Variants in CCDC88C observed in about 807,000 individuals in gnomAD.
CCDC88C encodes protein Daple.
In CCDC88C, 131 loss-of-function variants were observed where a neutral mutation model predicts 198.8. The observed-to-expected ratio is 0.66, with a 90% CI of 0.57 to 0.76. CCDC88C has a LOEUF of 0.76. Among genes scored for constraint, CCDC88C ranks in the 30% least tolerant of loss-of-function variants. CCDC88C has a pLI of 0.00. For missense variants in CCDC88C, 2,553 were observed against 2,631.6 expected (o/e 0.97, Z 0.65); for synonymous variants, 1,166 against 1,114.7 (o/e 1.05, Z -0.92).
At chr14:91,356,885 G>C (rs1170396440) in intron 4 of CCDC88C, among the ~76,000 whole-genome samples, 1 of 152,178 alleles carries the variant, frequency 6.6e-6, no homozygotes, top group African/African-American at 2.4e-5. Context: ...GATGAGAAGA[G>C]GGGGAGCACC....
intron 3 of CCDC88C, among the ~76,000 whole-genome samples, chr14:91,404,589 T>C (rs1886381180): frequency 6.6e-6 from 1 of 152,144 alleles, no homozygotes; most frequent in Admixed American, 6.5e-5. Context: ...GGACCATCCT[T>C]TGAAGAACCA....
chr14:91,272,746 G>T lies in CCDC88C; in HGVS notation c.5966C>A (p.Ala1989Asp). ...AKSPGRSPDL[A>D]PHLGRALEDC... ...CTCCAGGGCCCGGCCGAGGTGGGGA[G>T]CCAAATCGGGAGACCGACCTGGGCT... Residue 1989 changes from alanine (A) to aspartate (D), a missense_variant, in exon 30 of 30, where the codon GCT becomes GAT. Ala to Asp is a moderately radical substitution (Grantham distance 126, BLOSUM62 -2). Transcript: ENST00000389857. The T allele has an allele frequency of 6.2e-7, 1 of 1,608,958 alleles. No individual in the cohort carries two copies.
intron 4 of CCDC88C, among the ~76,000 whole-genome samples, chr14:91,345,531 T>C (rs995591720): frequency 6.6e-6 from 1 of 152,122 alleles, no homozygotes; most frequent in Non-Finnish European, 1.5e-5. Flanking sequence ...AAGAATATCA[T>C]GGTAGCTAAT....
chr14:91,384,352 T>C (rs1018710319), intron 3 of CCDC88C: 1 of 394,394 alleles, frequency 2.5e-6, no homozygotes, highest in Non-Finnish European at 5.0e-6. Flanking sequence ...ACAAATAACT[T>C]GAAAATAGGC....
chr14:91,304,040 G>A, intron 19 of CCDC88C, 62 bp from the exon 20 acceptor site: 3 of 1,558,528 alleles, frequency 1.9e-6, no homozygotes, highest in South Asian at 2.3e-5. Context: ...GGGCTGGGGA[G>A]CAGGTCAAGT....
chr14:91,272,357 G>A lies in CCDC88C; in HGVS notation c.*268C>T, dbSNP rs1447114312. On this transcript the variant is annotated 3_prime_UTR_variant, in exon 30 of 30. Coordinates refer to ENST00000389857, the MANE Select transcript of CCDC88C (RefSeq NM_001080414.4). Reference sequence around the variant, plus strand: ...GTCAGTTTGTCATTGCATCCTAATTGGTCCCCATGCTGACGTGGATTATTT... The same window carrying A: ...GTCAGTTTGTCATTGCATCCTAATTAGTCCCCATGCTGACGTGGATTATTT... The A allele has an allele frequency of 4.1e-6, 2 of 488,018 alleles. No individual in the cohort carries two copies. The highest frequency in any genetic ancestry group is 7.3e-6 in the Non-Finnish European group (2 of 274,472). The allele number at this position is 488,018 out of a possible 1,614,324, so 30.2% of individuals were successfully genotyped here. A position where few individuals can be genotyped will look rare whatever the true frequency, so the allele number is the denominator to read the frequency against.
At chr14:91,276,642 AC>A (rs1271154574) in intron 29 of CCDC88C, among the ~76,000 whole-genome samples, 3 of 152,220 alleles carry the variant, frequency 2.0e-5, no homozygotes, top group African/African-American at 4.8e-5. Context: ...CACAGGGTTT[AC>A]CAGAGAGCCA....
chr14:91,417,560 G>A, intron 1 of CCDC88C, 71 bp downstream of exon 1: 1 of 1,435,834 alleles, frequency 7.0e-7, no homozygotes, highest in Non-Finnish European at 9.5e-7. Context: ...TGTCGGGTCT[G>A]CGGCGTCCCG....
rs572336256 is a variant in CCDC88C at position 91,290,270 on chromosome 14, TCAAAA to T, written c.4202+720_4202+724del. Among the ~76,000 whole-genome samples the T allele has an allele frequency of 2.6e-4, 40 of 152,262 alleles. No homozygotes were observed. The East Asian group carries it at 2.9e-3, about 11-fold the overall frequency. ...CTGGATGTCACAGCGAGACTCCGTC[TCAAAA>T]CAAAACAAAACAAAACAAAACAATA... On this transcript the variant is annotated intron_variant, in intron 24 of 29. Transcript: ENST00000389857.
At chr14:91,321,804 T>C (rs11160000) in intron 12 of CCDC88C, among the ~76,000 whole-genome samples, 19,862 of 152,230 alleles carry the variant, frequency 0.13, 2,281 homozygotes, top group African/African-American at 0.31. Flanking sequence ...CTGGATGAGA[T>C]GCTATGCAGA....
chr14:91,362,807 T>C (rs1894369491), intron 3 of CCDC88C, among the ~76,000 whole-genome samples: 1 of 151,936 alleles, frequency 6.6e-6, no homozygotes, highest in Non-Finnish European at 1.5e-5. Flanking sequence ...CGGGTGCCTG[T>C]AGTCCCAGCT....
At chr14:91,321,595 G>C in intron 12 of CCDC88C, among the ~76,000 whole-genome samples, 1 of 152,214 alleles carries the variant, frequency 6.6e-6, no homozygotes, top group East Asian at 1.9e-4. Flanking sequence ...GAACCATCTG[G>C]CTATCAGGCT....
At chr14:91,285,546 T>C (rs924033585) in intron 25 of CCDC88C, 3 of 873,032 alleles carry the variant, frequency 3.4e-6, no homozygotes, top group African/African-American at 1.8e-5. Flanking sequence ...AAGCTTGAAA[T>C]TGGGGGCAGG....
Position 91,278,160 on chromosome 14 carries a change from A to G in CCDC88C, c.4820T>C (p.Leu1607Pro), listed in dbSNP as rs747379683. The G allele has an allele frequency of 2.5e-6, 4 of 1,612,594 alleles. No individual in the cohort carries two copies. The highest frequency in any genetic ancestry group is 3.4e-6 in the Non-Finnish European group (4 of 1,179,376). ...GRSESFSSED[L>P]IPSRDLATLP... The stretch of plus-strand genomic sequence containing the variant: ...AGTGGCCAGGTCCCTGCTGGGGATC[A>G]GGTCTTCGCTGCTGAAGCTCTCAGA... Residue 1607 changes from leucine to proline, a missense_variant, in exon 29 of 30, where the codon CTG becomes CCG. Transcript: ENST00000389857.
chr14:91,312,951 T>C, intron 15 of CCDC88C, 129 bp downstream of exon 15: 1 of 683,692 alleles, frequency 1.5e-6, no homozygotes, highest in Non-Finnish European at 2.4e-6. Flanking sequence ...CTTTAGGTAT[T>C]GCTGTTTAGA....
chr14:91,406,112 G>C (rs1886470831), intron 3 of CCDC88C, among the ~76,000 whole-genome samples: 1 of 152,156 alleles, frequency 6.6e-6, no homozygotes, highest in African/African-American at 2.4e-5. Context: ...CCATCTTCTG[G>C]AACTCTGCAC....
At position 91,339,162 on chromosome 14, in the gene CCDC88C, A is replaced by C; in HGVS notation, c.809+116T>G. 7.9e-7 allele frequency: 1 copy of C among 1,266,534 alleles called. No individual in the cohort carries two copies. The highest frequency in any genetic ancestry group is 1.3e-5 in the South Asian group (1 of 77,926). The allele number at this position is 1,266,534 out of a possible 1,614,324, so 78.5% of individuals were successfully genotyped here. A position where few individuals can be genotyped will look rare whatever the true frequency, so the allele number is the denominator to read the frequency against. On this transcript the variant is annotated intron_variant, in intron 8 of 29. Coordinates refer to ENST00000389857, the MANE Select transcript of CCDC88C (RefSeq NM_001080414.4). The surrounding 1 kb of genome is among the most constrained non-coding windows in gnomAD (Gnocchi z 5.8). ...GTAAGCTCAGGGCAGACCCCAGCTG[A>C]CTCCGGGGCACACGTCAGAGCTGTG... is the stretch of plus-strand genomic sequence containing the variant.
At chr14:91,324,418 C>T (rs1318263659) in intron 12 of CCDC88C, among the ~76,000 whole-genome samples, 1 of 152,254 alleles carries the variant, frequency 6.6e-6, no homozygotes, top group Non-Finnish European at 1.5e-5. Context: ...AGCAGGGATT[C>T]GTGGCCACTG....
chr14:91,371,180 A>G lies in CCDC88C; in HGVS notation c.271-11469T>C, dbSNP rs1894780298. Among the ~76,000 whole-genome samples the G allele has an allele frequency of 6.6e-6, 1 of 151,924 alleles. No individual in the cohort carries two copies. Among genetic ancestry groups the G allele is most frequent in the Non-Finnish European group, 1.5e-5 (1 of 68,002 alleles). On this transcript the variant is annotated intron_variant, in intron 3 of 29. Coordinates refer to ENST00000389857, the MANE Select transcript of CCDC88C (RefSeq NM_001080414.4). This position sits in a 1 kb window ranked among gnomAD's most constrained non-coding sequence, Gnocchi z 4.2. ...CGGTGCTCCAGTGCTTGGAGTTGAT[A>G]TAAGGGCCCTGATTTTATGGCCGTG...
Sources: gnomAD v4.1 joint callset for allele counts (sites outside exome capture counted in the v4.1 genomes callset) on GRCh38, gnomAD v4.1.1 for gene constraint, Gnocchi (gnomAD v3.1) non-coding constraint, MANE v1.5 for transcripts, NCBI Gene and HGNC (gene_info 2026-07-23, HGNC 2026-07-21) for gene names.